KLHL24: variants seen among roughly 807,000 people sequenced by gnomAD.
KLHL24 encodes kelch like family member 24.
Under a neutral mutation model 53.4 loss-of-function variants are expected in KLHL24, and 29 were observed. That is an observed-to-expected ratio of 0.54 (90% confidence interval 0.40 to 0.74). The LOEUF (loss-of-function observed/expected upper bound fraction) is 0.74, where lower values mean the gene tolerates loss of function less well. KLHL24 is among the 30% of genes least tolerant of loss of function. The pLI is 0.00. For synonymous variants in KLHL24, 222 were observed against 253.7 expected, an observed-to-expected ratio of 0.88 and a Z score of 1.19; for missense variants, 504 against 744.0, an observed-to-expected ratio of 0.68 and a Z score of 3.75.
At chr3:183,640,104 T>G (rs1315274571) in intron 1 of KLHL24, among the ~76,000 whole-genome samples, 1 of 149,912 alleles carries the variant, frequency 6.7e-6, no homozygotes, top group Non-Finnish European at 1.5e-5. Context: ...GATTATCAAA[T>G]AAAACAATGC....
intron 7 of KLHL24, among the ~76,000 whole-genome samples, chr3:183,673,270 T>G (rs1210706518): frequency 6.6e-6 from 1 of 152,186 alleles, no homozygotes; most frequent in African/African-American, 2.4e-5. Flanking sequence ...TATATATTTT[T>G]CAAAACTCCA....
intron 2 of KLHL24, among the ~76,000 whole-genome samples, chr3:183,647,706 A>G (rs1215445692): frequency 1.3e-5 from 2 of 152,016 alleles, no homozygotes; most frequent in East Asian, 1.9e-4. Flanking sequence ...CATCTGAAAC[A>G]AAACAAAACA....
intron 2 of KLHL24, among the ~76,000 whole-genome samples, chr3:183,644,944 A>G (rs988632828): frequency 1.3e-5 from 2 of 152,236 alleles, no homozygotes; most frequent in African/African-American, 4.8e-5. Flanking sequence ...GTATGCAGGA[A>G]GAAGCTCACG....
intron 2 of KLHL24, among the ~76,000 whole-genome samples, chr3:183,649,523 T>TAA (rs71750006): frequency 1.4e-5 from 2 of 139,222 alleles, no homozygotes; most frequent in South Asian, 2.3e-4. Context: ...GAGAGAGTGC[T>TAA]AAAAAAAAAA....
At chr3:183,656,289 A>T (rs1718881301) in intron 3 of KLHL24, among the ~76,000 whole-genome samples, 2 of 152,060 alleles carry the variant, frequency 1.3e-5, no homozygotes, top group Admixed American at 6.5e-5. Flanking sequence ...TTGGCTTCCC[A>T]AAGTGCTAGG....
chr3:183,677,800 A>AT (rs111503032), intron 7 of KLHL24, among the ~76,000 whole-genome samples: 34 of 151,202 alleles, frequency 2.2e-4, no homozygotes, highest in Middle Eastern at 3.4e-3. Context: ...TTGTTTGTTT[A>AT]TTTTTTTTGA....
chr3:183,648,365 T>A (rs1717632947), intron 2 of KLHL24, among the ~76,000 whole-genome samples: 1 of 152,206 alleles, frequency 6.6e-6, no homozygotes, highest in South Asian at 2.1e-4. Flanking sequence ...TACAATTTAA[T>A]ATGCGACAGG....
intron 1 of KLHL24, among the ~76,000 whole-genome samples, chr3:183,637,106 C>T (rs1316174876): frequency 1.3e-5 from 2 of 152,208 alleles, no homozygotes; most frequent in East Asian, 1.9e-4. Flanking sequence ...CCCACGGTCA[C>T]CCCTGAGGCA....
intron 5 of KLHL24, among the ~76,000 whole-genome samples, 191 bp downstream of exon 5, chr3:183,665,230 C>T (rs1328131108): frequency 2.6e-5 from 4 of 152,094 alleles, no homozygotes; most frequent in Non-Finnish European, 5.9e-5. Context: ...ATTTTGTTCT[C>T]CTAATTTGGA....
chr3:183,672,634 G>A (rs956264476), intron 7 of KLHL24, 150 bp downstream of exon 7: 9 of 471,312 alleles, frequency 1.9e-5, no homozygotes, highest in South Asian at 7.4e-5. Flanking sequence ...GGAGGCCGAG[G>A]TGGATAGATC....
intron 5 of KLHL24, among the ~76,000 whole-genome samples, chr3:183,670,282 G>A (rs2108870851): frequency 6.6e-6 from 1 of 152,172 alleles, no homozygotes; most frequent in Admixed American, 6.5e-5. Flanking sequence ...GAAAAAGAGA[G>A]AGAGAGAAAC....
At position 183,650,503 on chromosome 3, in the gene KLHL24, C is replaced by T. The variant is rs150739493; in HGVS notation, c.147C>T (p.Ala49=). The T allele has an allele frequency of 1.8e-4, 297 of 1,613,998 alleles. 1 individual carries two copies. Among genetic ancestry groups the T allele is most frequent in the Non-Finnish European group, 2.3e-4 (273 of 1,179,984 alleles). Residue 49 remains alanine (A), a synonymous_variant, in exon 3 of 8, where the codon GCC becomes GCT. Coordinates refer to ENST00000242810, the MANE Select transcript of KLHL24 (RefSeq NM_017644.3). This position sits in a 1 kb window ranked among gnomAD's most constrained non-coding sequence, Gnocchi z 4.5. ...FFDFSSGSSH[A]ENILQIFNEF... is the part of the protein sequence containing the mutation. Reference sequence around the variant, plus strand: ...ACTTCTCTTCAGGATCATCCCATGCCGAAAACATACTCCAGATATTTAATG... The same window carrying T: ...ACTTCTCTTCAGGATCATCCCATGCTGAAAACATACTCCAGATATTTAATG...
chr3:183,672,350 A>G lies in KLHL24; in HGVS notation c.1468A>G (p.Ile490Val), dbSNP rs200448471. The G allele has an allele frequency of 5.0e-5, 81 of 1,610,744 alleles. No individual in the cohort carries two copies. The highest frequency in any genetic ancestry group is 4.9e-4 in the East Asian group (22 of 44,764). ...NSWLLRAAIP[I>V]AKRCITAVSL... Reference sequence around the variant, plus strand: ...TTGGCTACTTCGTGCAGCTATCCCAATTGCCAAAAGGTGTATAACAGCTGT... The same window carrying G: ...TTGGCTACTTCGTGCAGCTATCCCAGTTGCCAAAAGGTGTATAACAGCTGT... The change falls in exon 7 of 8, where the codon ATT (isoleucine) becomes GTT (valine). Residue 490 changes from isoleucine (I) to valine (V), a missense_variant. Physicochemically the swap from Ile to Val is conservative, Grantham distance 29. Coordinates refer to ENST00000242810, the MANE Select transcript of KLHL24 (RefSeq NM_017644.3).
intron 5 of KLHL24, among the ~76,000 whole-genome samples, chr3:183,666,236 C>CAGA (rs893988749): frequency 2.7e-5 from 4 of 150,380 alleles, no homozygotes; most frequent in Non-Finnish European, 5.9e-5. Context: ...TGCTTGGGAC[C>CAGA]AGAAGTGTTT....
rs1159104612 is a variant in KLHL24, at chr3:183,635,635, G to A, written c.-283G>A. On this transcript the variant is annotated 5_prime_UTR_variant, in exon 1 of 8. Coordinates refer to ENST00000242810, the MANE Select transcript of KLHL24 (RefSeq NM_017644.3). ...ACATGTTTCCTTTGTTGTGAGCTGC[G>A]GCAGAGACTGGTGGCTGGAGGAGAC... The A allele has an allele frequency of 6.6e-6, 1 of 152,518 alleles. No individual in the cohort carries two copies. The highest frequency in any genetic ancestry group is 1.5e-5 in the Non-Finnish European group (1 of 68,316). 9.4% of individuals were successfully genotyped at this position (152,518 alleles called of 1,614,324 possible).
Position 183,663,927 on chromosome 3 carries a change from C to T in KLHL24, c.1105+285C>T, listed in dbSNP as rs542162145. Among the ~76,000 whole-genome samples, 1 of 152,194 alleles carries T rather than the reference C, an allele frequency of 6.6e-6. No homozygotes were observed. The highest frequency in any genetic ancestry group is 2.1e-4 in the South Asian group (1 of 4,820). ...CCAACATGGTGAAACCCCATCTCTA[C>T]TAAAAAATACAAAAATTAGCCAGGT... On this transcript the variant is annotated intron_variant, in intron 4 of 7. Transcript: ENST00000242810. This position sits in a 1 kb window ranked among gnomAD's most constrained non-coding sequence, Gnocchi z 4.9.
intron 1 of KLHL24, among the ~76,000 whole-genome samples, chr3:183,638,129 A>AT (rs1298423868): frequency 6.6e-6 from 1 of 152,246 alleles, no homozygotes; most frequent in South Asian, 2.1e-4. Flanking sequence ...CATTGAGAGT[A>AT]TTTAATGTAT....
Position 183,661,971 on chromosome 3 carries a change from A to G in KLHL24, c.921-1487A>G, listed in dbSNP as rs192300316. ...TTTTAGGAAATACTTATATGGAAAG[A>G]ATGATAGATAAGTCAGTAGTTATAC... On this transcript the variant is annotated intron_variant, in intron 3 of 7. Coordinates refer to ENST00000242810, the MANE Select transcript of KLHL24 (RefSeq NM_017644.3). Among the ~76,000 whole-genome samples the G allele has an allele frequency of 2.1e-3, 323 of 152,290 alleles. 2 individuals carry two copies. Among genetic ancestry groups the G allele is most frequent in the Middle Eastern group, 3.4e-3 (1 of 292 alleles).
At chr3:183,660,234 G>A (rs1719538638) in intron 3 of KLHL24, among the ~76,000 whole-genome samples, 2 of 151,278 alleles carry the variant, frequency 1.3e-5, no homozygotes, top group South Asian at 4.2e-4. Flanking sequence ...CCTGGCTCAA[G>A]GGATTTTCCC....
Sources: allele counts gnomAD v4.1 joint callset (sites outside exome capture counted in the v4.1 genomes callset), GRCh38; gene constraint gnomAD v4.1.1; non-coding constraint Gnocchi (gnomAD v3.1); transcripts MANE v1.5; gene names NCBI Gene and HGNC (gene_info 2026-07-23, HGNC 2026-07-21).